The following SPMIP11 variants were observed in gnomAD, a reference collection of about 807,000 sequenced individuals.
SPMIP11 encodes sperm microtubule inner protein 11.
chr12:48,751,185 G>C, the SPMIP11 span, among the ~76,000 whole-genome samples: 183 of 152,230 alleles, frequency 1.2e-3, no homozygotes, highest in African/African-American at 4.3e-3. Flanking sequence ...ACAGAGGTGA[G>C]TCAACACGTG....
At chr12:48,759,348 G>A in the SPMIP11 span, 1 of 702,492 alleles carries the variant, frequency 1.4e-6, no homozygotes, top group Non-Finnish European at 2.6e-6. Flanking sequence ...ACCTTGGGGT[G>A]GGCATCATGC....
the SPMIP11 span, among the ~76,000 whole-genome samples, chr12:48,743,099 T>C: frequency 6.6e-6 from 1 of 150,946 alleles, no homozygotes; most frequent in Non-Finnish European, 1.5e-5. Context: ...CTGTCTCTAC[T>C]AAAAATACAA....
chr12:48,739,966 A>G, the SPMIP11 span, among the ~76,000 whole-genome samples: 1 of 152,178 alleles, frequency 6.6e-6, no homozygotes, highest in Non-Finnish European at 1.5e-5. Flanking sequence ...CTGTTAGGTT[A>G]ATTGCCACCC....
At chr12:48,759,059 C>T in the SPMIP11 span, 1 of 599,466 alleles carries the variant, frequency 1.7e-6, no homozygotes, top group Non-Finnish European at 3.0e-6. Flanking sequence ...CTGTCACAGC[C>T]ATGGTGATTG....
chr12:48,731,884 C>T, the SPMIP11 span, among the ~76,000 whole-genome samples: 1 of 152,092 alleles, frequency 6.6e-6, no homozygotes, highest in Non-Finnish European at 1.5e-5. Context: ...CGCAATGGCT[C>T]ACAACTGTAA....
chr12:48,762,094 T>G, the SPMIP11 span, among the ~76,000 whole-genome samples: 1 of 137,782 alleles, frequency 7.3e-6, no homozygotes, highest in Admixed American at 7.8e-5. Context: ...TCTCTCACTC[T>G]GTCTCCCAGG....
the SPMIP11 span, among the ~76,000 whole-genome samples, chr12:48,746,532 A>G: frequency 6.6e-6 from 1 of 151,658 alleles, no homozygotes; most frequent in Non-Finnish European, 1.5e-5. Context: ...ACGGCCAGCT[A>G]ATTTTTGTAT....
At chr12:48,728,486 A>C in the SPMIP11 span, among the ~76,000 whole-genome samples, 1 of 152,130 alleles carries the variant, frequency 6.6e-6, no homozygotes, top group East Asian at 1.9e-4. Context: ...AGGCGGGCGG[A>C]TCACGAGGTC....
chr12:48,728,707 C>CAAAAAAAAA, the SPMIP11 span, among the ~76,000 whole-genome samples: 21 of 70,988 alleles, frequency 3.0e-4, no homozygotes, highest in African/African-American at 1.3e-3. Flanking sequence ...GACTCTGTCT[C>CAAAAAAAAA]AAAAAAAAAA....
the SPMIP11 span, among the ~76,000 whole-genome samples, chr12:48,745,086 A>C: frequency 4.6e-5 from 7 of 152,032 alleles, no homozygotes; most frequent in African/African-American, 1.7e-4. Context: ...CTGGCTAACA[A>C]GGTGAAACCC....
the SPMIP11 span, among the ~76,000 whole-genome samples, chr12:48,763,467 C>A: frequency 6.6e-6 from 1 of 152,026 alleles, no homozygotes; most frequent in Non-Finnish European, 1.5e-5. Context: ...CTGCACCCAG[C>A]CTCTAATAGC....
the SPMIP11 span, among the ~76,000 whole-genome samples, chr12:48,755,171 T>G: frequency 6.6e-6 from 1 of 152,288 alleles, no homozygotes; most frequent in African/African-American, 2.4e-5. Context: ...TTTGGAGGGA[T>G]GGAACATCCA....
the SPMIP11 span, among the ~76,000 whole-genome samples, chr12:48,749,364 C>T: frequency 6.6e-6 from 1 of 151,880 alleles, no homozygotes; most frequent in Non-Finnish European, 1.5e-5. Flanking sequence ...CGCGGTGGCT[C>T]ATGCCTGTAA....
At chr12:48,747,871 G>A in the SPMIP11 span, among the ~76,000 whole-genome samples, 1 of 152,292 alleles carries the variant, frequency 6.6e-6, no homozygotes, top group African/African-American at 2.4e-5. Flanking sequence ...CATGAAAAGT[G>A]TTGTGCTCCA....
the SPMIP11 span, among the ~76,000 whole-genome samples, chr12:48,730,112 C>T: frequency 2.6e-5 from 4 of 152,116 alleles, no homozygotes; most frequent in African/African-American, 9.7e-5. Context: ...GAGTGTACAG[C>T]CGACCAATTG....
chr12:48,734,882 G>T, the SPMIP11 span, among the ~76,000 whole-genome samples: 1 of 151,728 alleles, frequency 6.6e-6, no homozygotes, highest in Non-Finnish European at 1.5e-5. Context: ...GCGGGCGGCT[G>T]TAGTCCCAGC....
the SPMIP11 span, among the ~76,000 whole-genome samples, chr12:48,746,609 C>A: frequency 6.6e-6 from 1 of 151,972 alleles, no homozygotes; most frequent in Non-Finnish European, 1.5e-5. Flanking sequence ...CCGTGATCCA[C>A]CTGCCTTGGC....
chr12:48,738,104 C>A, the SPMIP11 span, among the ~76,000 whole-genome samples: 1 of 152,074 alleles, frequency 6.6e-6, no homozygotes, highest in Admixed American at 6.6e-5. Flanking sequence ...GGATTACAGG[C>A]GTGAGCCACC....
the SPMIP11 span, among the ~76,000 whole-genome samples, chr12:48,752,077 AAAC>A: frequency 6.7e-6 from 1 of 149,960 alleles, no homozygotes. Context: ...AAAAAAAAAA[AAAC>A]AAACAAACAA....
Sources: gnomAD v4.1 joint callset for allele counts (sites outside exome capture counted in the v4.1 genomes callset) on GRCh38, gnomAD v4.1.1 for gene constraint, MANE v1.5 for transcripts, NCBI Gene and HGNC (gene_info 2026-07-23, HGNC 2026-07-21) for gene names.